Variants in ENPP2 observed in about 807,000 individuals in gnomAD.
ENPP2 encodes ectonucleotide pyrophosphatase/phosphodiesterase 2, also known as autotaxin.
Under a neutral mutation model 120.2 loss-of-function variants are expected in ENPP2, and 51 were observed. That is an observed-to-expected ratio of 0.42 (90% CI 0.34 to 0.54). The LOEUF is 0.54. Among genes scored for constraint, ENPP2 ranks in the 20% least tolerant of loss-of-function variants. The pLI is 0.04. For missense variants in ENPP2, 920 were observed against 1,066.5 expected, an observed-to-expected ratio of 0.86 and a Z score of 1.91; for synonymous variants, 365 against 366.4, an observed-to-expected ratio of 1.00 and a Z score of 0.04.
chr8:119,600,840 AT>A (rs1276548700), intron 10 of ENPP2, 90 bp from the exon 11 acceptor site: 4 of 820,444 alleles, frequency 4.9e-6, no homozygotes, highest in Non-Finnish European at 8.1e-6. Flanking sequence ...TTAAAAAAAA[AT>A]GTTCTCAAGT....
At chr8:119,605,212 T>C (rs2130606617) in intron 9 of ENPP2, among the ~76,000 whole-genome samples, 1 of 151,682 alleles carries the variant, frequency 6.6e-6, no homozygotes. Context: ...GCTGGGACTA[T>C]AGGCACGTGC....
chr8:119,629,763 A>T (rs575261607), intron 2 of ENPP2, among the ~76,000 whole-genome samples: 2 of 152,276 alleles, frequency 1.3e-5, no homozygotes, highest in South Asian at 4.1e-4. Flanking sequence ...ATAAGAAACC[A>T]TGGAGGCAGG....
rs760384712 is a variant in ENPP2 at position 119,617,135 on chromosome 8, G to C, written c.657+29C>G. ...CATTCCAGGATGAAATCAGCCCTTT[G>C]AATGTGTATCATTCGAAAAAATACT... On this transcript the variant is annotated intron_variant, in intron 7 of 24. Transcript: ENST00000075322. 38 of 1,374,240 alleles carry C rather than the reference G, an allele frequency of 2.8e-5. No homozygotes were observed. In the South Asian group the frequency reaches 4.3e-4, roughly 16 times the overall value. The allele number at this position is 1,374,240 out of a possible 1,614,324, so 85.1% of individuals were successfully genotyped here.
intron 24 of ENPP2, among the ~76,000 whole-genome samples, chr8:119,561,220 TC>T (rs1813902677): frequency 6.6e-6 from 1 of 152,190 alleles, no homozygotes; most frequent in Non-Finnish European, 1.5e-5. Context: ...AGTCAACAGA[TC>T]AAAAACTATC....
intron 4 of ENPP2, among the ~76,000 whole-genome samples, chr8:119,620,702 A>G (rs1017999883): frequency 6.6e-6 from 1 of 152,218 alleles, no homozygotes; most frequent in African/African-American, 2.4e-5. Context: ...TATTTTCTGT[A>G]GTCCATTAAC....
At chr8:119,658,678 A>G (rs1453877387) in intron 1 of ENPP2, among the ~76,000 whole-genome samples, 4 of 151,992 alleles carry the variant, frequency 2.6e-5, no homozygotes, top group East Asian at 1.9e-4. Flanking sequence ...TCTCTCCCCT[A>G]TGCTTATGCC....
chr8:119,657,151 C>T (rs999990815), intron 1 of ENPP2, among the ~76,000 whole-genome samples: 3 of 152,148 alleles, frequency 2.0e-5, no homozygotes, highest in African/African-American at 7.2e-5. Flanking sequence ...TCTCGAACTC[C>T]TGACCTCAGG....
chr8:119,593,989 G>A, intron 11 of ENPP2, 129 bp from the exon 12 acceptor site: 1 of 675,888 alleles, frequency 1.5e-6, no homozygotes, highest in East Asian at 2.5e-5. Context: ...TTTGTCTGGG[G>A]AGATTTGCCT....
intron 1 of ENPP2, among the ~76,000 whole-genome samples, chr8:119,648,404 C>A (rs572756500): frequency 6.6e-6 from 1 of 152,170 alleles, no homozygotes; most frequent in South Asian, 2.1e-4. Context: ...TTCTTTTTAA[C>A]CTTATGAGAA....
chr8:119,649,102 T>C (rs189896827), intron 1 of ENPP2, among the ~76,000 whole-genome samples: 12 of 151,878 alleles, frequency 7.9e-5, no homozygotes, highest in Admixed American at 7.9e-4. Context: ...AAGAAGAAAA[T>C]TGCATTTATG....
upstream of ENPP2, among the ~76,000 whole-genome samples, chr8:119,640,058 A>T (rs1225230486): frequency 6.6e-6 from 1 of 152,236 alleles, no homozygotes; most frequent in Non-Finnish European, 1.5e-5. Flanking sequence ...CAAATAAAAC[A>T]TGATAGCACA....
At chr8:119,596,232 C>T (rs1813888105) in intron 11 of ENPP2, among the ~76,000 whole-genome samples, 1 of 152,160 alleles carries the variant, frequency 6.6e-6, no homozygotes, top group Admixed American at 6.5e-5. Flanking sequence ...GAACAAGAAT[C>T]CAATTTAAGA....
chr8:119,654,384 TATATCTAGATATTA>T (rs1456564229), intron 1 of ENPP2, among the ~76,000 whole-genome samples: 2 of 144,390 alleles, frequency 1.4e-5, no homozygotes, highest in Non-Finnish European at 3.0e-5. Context: ...TATAGAGAGA[TATATCTAGATATTA>T]ATATCTAGAT....
intron 1 of ENPP2, among the ~76,000 whole-genome samples, chr8:119,658,415 CAT>C (rs1406367125): frequency 1.3e-5 from 2 of 152,198 alleles, no homozygotes; most frequent in Non-Finnish European, 2.9e-5. Flanking sequence ...GGACTACAGA[CAT>C]GTGCCACCAT....
At chr8:119,600,589 C>A in intron 11 of ENPP2, 89 bp downstream of exon 11, 3 of 837,742 alleles carry the variant, frequency 3.6e-6, no homozygotes, top group Non-Finnish European at 2.0e-6. Context: ...AAACATCCAT[C>A]CAGACTTTAT....
intron 7 of ENPP2, among the ~76,000 whole-genome samples, chr8:119,616,871 G>T (rs1815491533): frequency 6.6e-6 from 1 of 152,074 alleles, no homozygotes; most frequent in Admixed American, 6.6e-5. Flanking sequence ...ATTTTTATTT[G>T]CAAATTCAGA....
chr8:119,631,517 A>C (rs922186766), intron 2 of ENPP2, among the ~76,000 whole-genome samples: 2 of 152,086 alleles, frequency 1.3e-5, no homozygotes, highest in Non-Finnish European at 2.9e-5. Context: ...CGCCCAGTCT[A>C]TCTCTTTTAA....
intron 2 of ENPP2, among the ~76,000 whole-genome samples, chr8:119,637,791 T>C (rs1817092234): frequency 6.6e-6 from 1 of 152,210 alleles, no homozygotes. Flanking sequence ...CTACTTATGG[T>C]GTAGTGTATT....
intron 12 of ENPP2, chr8:119,592,816 T>A (rs1587418497): frequency 5.7e-6 from 1 of 174,154 alleles, no homozygotes; most frequent in South Asian, 2.0e-4. Flanking sequence ...AGAAAGCTAA[T>A]CCCTTTGGCT....
Sources: gnomAD v4.1 joint callset for allele counts (sites outside exome capture counted in the v4.1 genomes callset) on GRCh38, gnomAD v4.1.1 for gene constraint, MANE v1.5 for transcripts, NCBI Gene and HGNC (gene_info 2026-07-23, HGNC 2026-07-21) for gene names.